The following OCIAD1 variants were observed in gnomAD, a reference collection of about 807,000 sequenced individuals.
OCIAD1 encodes the protein OCIA domain containing 1.
OCIAD1 carries 29 observed loss-of-function variants against 38.9 expected under a neutral mutation model. The ratio of observed to expected loss-of-function variants is 0.74; its 90% CI spans 0.55 to 1.02. OCIAD1 has a LOEUF of 1.02. OCIAD1 is among the 50% of genes least tolerant of loss of function. The probability of loss-of-function intolerance (pLI) is 0.00; values close to 1 mark genes in which losing one functional copy is unlikely to be tolerated. For synonymous variants in OCIAD1, 110 were observed against 92.0 expected (o/e 1.20, Z -1.12); for missense variants, 288 against 289.6 (o/e 0.99, Z 0.04).
chr4:48,858,037 C>T (rs1780239425), intron 8 of OCIAD1, among the ~76,000 whole-genome samples: 1 of 152,038 alleles, frequency 6.6e-6, no homozygotes, highest in South Asian at 2.1e-4. Flanking sequence ...GCCTGTAATC[C>T]TAGCTACTCG....
intron 1 of OCIAD1, among the ~76,000 whole-genome samples, chr4:48,814,324 CTT>C (rs199781870): frequency 3.8e-5 from 5 of 129,948 alleles, no homozygotes; most frequent in African/African-American, 5.6e-5. Context: ...TTCAGAAAGC[CTT>C]TTTTTTTTTT....
At chr4:48,853,196 A>G (rs1779697215) in intron 7 of OCIAD1, among the ~76,000 whole-genome samples, 1 of 151,992 alleles carries the variant, frequency 6.6e-6, no homozygotes, top group African/African-American at 2.4e-5. Context: ...GTTTTTTAAT[A>G]ATTAAACTGG....
In OCIAD1 at chr4:48,842,685, TA is replaced by T; in HGVS notation, c.192del (p.Gly65GlufsTer31). The T allele has an allele frequency of 6.6e-7, 1 of 1,510,964 alleles. No homozygotes were observed. Among genetic ancestry groups the T allele is most frequent in the Non-Finnish European group, 9.0e-7 (1 of 1,108,048 alleles). The allele number at this position is 1,510,964 out of a possible 1,614,324, so 93.6% of individuals were successfully genotyped here. A position where few individuals can be genotyped will look rare whatever the true frequency, so the allele number is the denominator to read the frequency against. On this transcript the variant is annotated frameshift_variant, in exon 4 of 9. Transcript: ENST00000264312. LOFTEE classifies it high-confidence loss of function. The part of the protein sequence containing the change: ...SMLITQGLIS[K>X]GILSSHPKYG... Reference sequence around the variant, plus strand: ...TGTTGATTACTCAAGGATTAATTAGTAAAGGTAAATATTTAAAATTTGAATT... The same window carrying T: ...TGTTGATTACTCAAGGATTAATTAGTAAGGTAAATATTTAAAATTTGAATT...
intron 1 of OCIAD1, among the ~76,000 whole-genome samples, chr4:48,824,038 G>T (rs1323017852): frequency 6.6e-6 from 1 of 151,956 alleles, no homozygotes; most frequent in Non-Finnish European, 1.5e-5. Context: ...GAGTGCAGTG[G>T]CATGATCTTG....
intron 2 of OCIAD1, 92 bp from the exon 3 acceptor site, chr4:48,833,309 G>T (rs925058327): frequency 1.4e-6 from 1 of 735,398 alleles, no homozygotes; most frequent in African/African-American, 1.8e-5. Flanking sequence ...TAAAAAATGG[G>T]TGCCTCTTGT....
intron 7 of OCIAD1, among the ~76,000 whole-genome samples, chr4:48,852,953 C>T (rs1309611015): frequency 7.0e-6 from 1 of 141,984 alleles, no homozygotes; most frequent in African/African-American, 2.7e-5. Flanking sequence ...GCGATCTCGG[C>T]TCACTGCAAC....
intron 7 of OCIAD1, 88 bp downstream of exon 7, chr4:48,852,063 A>G (rs1174077415): frequency 1.1e-5 from 10 of 907,026 alleles, no homozygotes; most frequent in Non-Finnish European, 1.5e-5. Context: ...GCTGGATATC[A>G]CCTGTGTGTT....
intron 3 of OCIAD1, among the ~76,000 whole-genome samples, chr4:48,834,335 C>T (rs1777788244): frequency 1.3e-5 from 2 of 152,204 alleles, no homozygotes; most frequent in African/African-American, 4.8e-5. Flanking sequence ...CCATGCCCAG[C>T]AAATTTTTCT....
intron 1 of OCIAD1, among the ~76,000 whole-genome samples, chr4:48,823,824 CTTTTTTT>C (rs71660459): frequency 4.3e-5 from 3 of 70,130 alleles, no homozygotes; most frequent in Admixed American, 4.8e-4. Flanking sequence ...CAATGCCTGG[CTTTTTTT>C]TTTTTTTTTT....
chr4:48,857,322 C>T lies in OCIAD1; in HGVS notation c.657C>T (p.Asp219=). 6.3e-7 allele frequency: 1 copy of T among 1,594,240 alleles called. No homozygotes were observed. The highest frequency in any genetic ancestry group is 1.7e-5 in the Admixed American group (1 of 57,896). ...AAGTATCTTTAACACAAAAGACTGA[C>T]CCCTCAGTCAGGCCTATGCATGAAA... ...SYEVSLTQKT[D]PSVRPMHERV... Residue 219 remains aspartate, a synonymous_variant, in exon 8 of 9, where the codon GAC becomes GAT. Coordinates refer to ENST00000264312, the MANE Select transcript of OCIAD1 (RefSeq NM_017830.4).
intron 8 of OCIAD1, among the ~76,000 whole-genome samples, chr4:48,859,846 C>T (rs1780442825): frequency 6.6e-6 from 1 of 152,116 alleles, no homozygotes; most frequent in Non-Finnish European, 1.5e-5. Flanking sequence ...AATTCAAGCA[C>T]ATATTCCATT....
At chr4:48,841,649 C>G (rs1401573122) in intron 3 of OCIAD1, among the ~76,000 whole-genome samples, 1 of 152,096 alleles carries the variant, frequency 6.6e-6, no homozygotes, top group East Asian at 1.9e-4. Context: ...GAGCCAATTA[C>G]GCATATCAAT....
intron 1 of OCIAD1, 73 bp downstream of exon 1, chr4:48,831,322 G>A: frequency 2.5e-6 from 1 of 398,438 alleles, no homozygotes; most frequent in Non-Finnish European, 4.9e-6. Context: ...GGCCATCCAC[G>A]ACTTTCGCAC....
intron 1 of OCIAD1, 68 bp from the exon 2 acceptor site, chr4:48,832,552 C>T (rs1777603108): frequency 5.3e-6 from 6 of 1,138,832 alleles, no homozygotes; most frequent in East Asian, 2.4e-5. Flanking sequence ...CTATATCATA[C>T]GTCTTGATTT....
At chr4:48,825,438 TG>T (rs1290262746) in intron 1 of OCIAD1, among the ~76,000 whole-genome samples, 1 of 152,264 alleles carries the variant, frequency 6.6e-6, no homozygotes, top group Non-Finnish European at 1.5e-5. Flanking sequence ...TTGCCCATGA[TG>T]GGCAGCAGCG....
intron 8 of OCIAD1, among the ~76,000 whole-genome samples, chr4:48,859,097 CCTT>C (rs1780363521): frequency 6.6e-6 from 1 of 152,000 alleles, no homozygotes; most frequent in South Asian, 2.1e-4. Flanking sequence ...ACATGAAAGT[CCTT>C]AGTATTTGTT....
At chr4:48,814,353 T>C (rs1777122877) in intron 1 of OCIAD1, among the ~76,000 whole-genome samples, 2 of 151,140 alleles carry the variant, frequency 1.3e-5, no homozygotes, top group Middle Eastern at 3.4e-3. Context: ...ATATTTGTTA[T>C]AGTGAAATTA....
At chr4:48,806,555 A>G (rs915875213) in intron 1 of OCIAD1, among the ~76,000 whole-genome samples, 3 of 152,206 alleles carry the variant, frequency 2.0e-5, no homozygotes, top group African/African-American at 7.2e-5. Flanking sequence ...TTGGCTCATC[A>G]CACTGTGGTT....
chr4:48,813,570 C>T (rs1386095090), intron 1 of OCIAD1, among the ~76,000 whole-genome samples: 1 of 152,232 alleles, frequency 6.6e-6, no homozygotes, highest in Non-Finnish European at 1.5e-5. Flanking sequence ...GGGAGGCTCA[C>T]TTGAGCCGGG....
Sources: gnomAD v4.1 joint callset for allele counts (sites outside exome capture counted in the v4.1 genomes callset) on GRCh38, gnomAD v4.1.1 for gene constraint, MANE v1.5 for transcripts, NCBI Gene and HGNC (gene_info 2026-07-23, HGNC 2026-07-21) for gene names.